The following CCDC171 variants were observed in gnomAD, a reference collection of about 807,000 sequenced individuals.
CCDC171 encodes the protein coiled-coil domain containing 171.
A neutral mutation model predicts 168.2 loss-of-function variants in CCDC171; 177 were observed. The observed-to-expected ratio is 1.05, with a 90% CI of 0.93 to 1.19. CCDC171 has a LOEUF of 1.19. CCDC171 is among the 50% of genes most tolerant of loss of function. The probability of loss-of-function intolerance (pLI) is 0.00; values close to 1 mark genes in which losing one functional copy is unlikely to be tolerated. For synonymous variants in CCDC171, 687 were observed against 540.8 expected (o/e 1.27, Z -3.75); for missense variants, 1,991 against 1,539.0 (o/e 1.29, Z -4.91).
At chr9:16,087,204 C>A in the CCDC171 span, among the ~76,000 whole-genome samples, 2 of 152,126 alleles carry the variant, frequency 1.3e-5, no homozygotes, top group Non-Finnish European at 2.9e-5. Flanking sequence ...ATTGTACATT[C>A]TGTTGATTTG....
rs1319937929 is a variant in CCDC171 at position 15,874,665 on chromosome 9, T to A, written c.3600+2T>A. 1 of 1,571,888 alleles carries A rather than the reference T, an allele frequency of 6.4e-7. No homozygotes were observed. The highest frequency in any genetic ancestry group is 8.6e-7 in the Non-Finnish European group (1 of 1,159,936). Reference sequence around the variant, plus strand: ...GGGCCAGAGGTGGTAGCATGCCAGGTTAGAGTCTAAATAACATTGTTTGCT... The same window carrying A: ...GGGCCAGAGGTGGTAGCATGCCAGGATAGAGTCTAAATAACATTGTTTGCT... On this transcript the variant is annotated splice_donor_variant, in intron 24 of 25. Transcript: ENST00000380701. LOFTEE classifies it high-confidence loss of function.
chr9:16,071,890 T>A, the CCDC171 span, among the ~76,000 whole-genome samples: 1 of 151,990 alleles, frequency 6.6e-6, no homozygotes, highest in African/African-American at 2.4e-5. Context: ...CCCAACCCCA[T>A]AACCCCCAAT....
chr9:15,870,552 C>T (rs1254702386), intron 23 of CCDC171, among the ~76,000 whole-genome samples: 1 of 151,812 alleles, frequency 6.6e-6, no homozygotes, highest in Non-Finnish European at 1.5e-5. Context: ...CTGTATACAT[C>T]TTCTTACATG....
intron 3 of CCDC171, among the ~76,000 whole-genome samples, chr9:16,009,281 C>T (rs1294137149): frequency 6.6e-6 from 1 of 152,106 alleles, no homozygotes; most frequent in Non-Finnish European, 1.5e-5. Flanking sequence ...AAACTTCTGT[C>T]CGCTTGAAAT....
At chr9:16,048,289 C>A (rs1366815490) in intron 1 of CCDC171, among the ~76,000 whole-genome samples, 1 of 150,584 alleles carries the variant, frequency 6.6e-6, no homozygotes, top group Admixed American at 6.6e-5. Context: ...GTACAGATGG[C>A]ACTCTGCATG....
chr9:15,762,016 A>G (rs749286284), intron 18 of CCDC171, among the ~76,000 whole-genome samples: 22 of 152,128 alleles, frequency 1.4e-4, no homozygotes, highest in Admixed American at 7.2e-4. Flanking sequence ...TCTTACTTTC[A>G]TGTCTTTTAT....
chr9:15,640,497 A>G (rs545447903), intron 7 of CCDC171, among the ~76,000 whole-genome samples: 3 of 152,276 alleles, frequency 2.0e-5, no homozygotes, highest in Middle Eastern at 3.4e-3. Flanking sequence ...TTAAAAGTCA[A>G]ATGAGAACAT....
At chr9:15,991,804 T>G (rs1439351522) in intron 3 of CCDC171, among the ~76,000 whole-genome samples, 4 of 152,176 alleles carry the variant, frequency 2.6e-5, no homozygotes, top group African/African-American at 9.7e-5. Context: ...TAAACACCTC[T>G]ACACAAATAA....
chr9:15,724,984 C>T lies in CCDC171; in HGVS notation c.1692+8C>T, dbSNP rs540062942. Reference sequence around the variant, plus strand: ...TTCCATAAGGATGCAGAGGTATTACCTGAGACTCAATGACTGTCAGGAAGG... The same window carrying T: ...TTCCATAAGGATGCAGAGGTATTACTTGAGACTCAATGACTGTCAGGAAGG... On this transcript the variant is annotated splice_region_variant and intron_variant, in intron 14 of 25. Coordinates refer to ENST00000380701, the MANE Select transcript of CCDC171 (RefSeq NM_173550.4). 2.1e-5 allele frequency: 33 copies of T among 1,607,314 alleles called. No individual in the cohort carries two copies. Among genetic ancestry groups the T allele is most frequent in the Middle Eastern group, 3.3e-4 (2 of 6,040 alleles).
intron 7 of CCDC171, among the ~76,000 whole-genome samples, chr9:15,636,577 C>T (rs562595424): frequency 6.6e-6 from 1 of 151,560 alleles, no homozygotes; most frequent in South Asian, 2.1e-4. Context: ...GGTGAAATAT[C>T]ATCCCTACAA....
chr9:16,075,375 C>T, the CCDC171 span, among the ~76,000 whole-genome samples: 1 of 152,204 alleles, frequency 6.6e-6, no homozygotes, highest in Non-Finnish European at 1.5e-5. Flanking sequence ...ATATTACCTA[C>T]ATAATCGCTT....
chr9:15,993,929 A>G (rs1832288981), intron 3 of CCDC171, among the ~76,000 whole-genome samples: 1 of 152,228 alleles, frequency 6.6e-6, no homozygotes, highest in African/African-American at 2.4e-5. Context: ...TTGAAAAGTC[A>G]GGAAATAACA....
chr9:15,597,670 A>C (rs1239725421), intron 6 of CCDC171, among the ~76,000 whole-genome samples: 2 of 152,190 alleles, frequency 1.3e-5, no homozygotes, highest in Non-Finnish European at 2.9e-5. Flanking sequence ...AAAATGAGTT[A>C]GGGAGGATTC....
intron 18 of CCDC171, among the ~76,000 whole-genome samples, chr9:15,767,822 T>C (rs867023007): frequency 4.0e-3 from 3 of 758 alleles, no homozygotes; most frequent in Middle Eastern, 0.17. Context: ...TCTTTTCTTT[T>C]CTTTCCCTCC....
chr9:16,084,368 C>T, the CCDC171 span, among the ~76,000 whole-genome samples: 1 of 152,150 alleles, frequency 6.6e-6, no homozygotes, highest in African/African-American at 2.4e-5. Flanking sequence ...TGCTACCTTT[C>T]TTGTGTTCCT....
intron 7 of CCDC171, among the ~76,000 whole-genome samples, chr9:15,635,820 C>G (rs1404089569): frequency 6.6e-6 from 1 of 152,088 alleles, no homozygotes; most frequent in Non-Finnish European, 1.5e-5. Context: ...AGAGGAATTG[C>G]TGGGTCACAT....
chr9:15,556,890 G>A (rs13302163), intron 1 of CCDC171, among the ~76,000 whole-genome samples: 1 of 152,026 alleles, frequency 6.6e-6, no homozygotes, highest in Non-Finnish European at 1.5e-5. Flanking sequence ...CATTTAAGTC[G>A]TTAATCCATC....
intron 7 of CCDC171, among the ~76,000 whole-genome samples, chr9:15,636,585 C>T (rs1275128778): frequency 6.6e-6 from 1 of 151,004 alleles, no homozygotes; most frequent in Non-Finnish European, 1.5e-5. Context: ...ATCATCCCTA[C>T]AAAAAATACA....
At chr9:15,628,348 C>T (rs2045352272) in intron 7 of CCDC171, among the ~76,000 whole-genome samples, 1 of 152,178 alleles carries the variant, frequency 6.6e-6, no homozygotes, top group Admixed American at 6.5e-5. Flanking sequence ...TTCCGACGGG[C>T]TTAAAAAACG....
Sources: allele counts gnomAD v4.1 joint callset (sites outside exome capture counted in the v4.1 genomes callset), GRCh38; gene constraint gnomAD v4.1.1; transcripts MANE v1.5; gene names NCBI Gene and HGNC (gene_info 2026-07-23, HGNC 2026-07-21).